Variants in LYZL4 observed in about 807,000 individuals in gnomAD.
LYZL4 encodes lysozyme-like protein 4.
In LYZL4, 13 loss-of-function variants were observed where a neutral mutation model predicts 17.6. That is an observed-to-expected ratio of 0.74 (90% CI 0.48 to 1.18). The LOEUF (loss-of-function observed/expected upper bound fraction) is 1.18. Ranked by LOEUF, LYZL4 falls within the 50% of genes most tolerant of loss-of-function variation. The pLI is 0.00. For missense variants in LYZL4, 174 were observed against 188.2 expected, an observed-to-expected ratio of 0.92 and a Z score of 0.44; for synonymous variants, 64 against 67.7, an observed-to-expected ratio of 0.95 and a Z score of 0.27.
Position 42,398,362 on chromosome 3 carries a change from T to C in LYZL4, c.372-1028A>G, listed in dbSNP as rs1323314807. Among the ~76,000 whole-genome samples, 10 of 152,188 alleles carry C rather than the reference T, an allele frequency of 6.6e-5. No individual in the cohort carries two copies. The East Asian group carries it at 1.7e-3, about 26-fold the overall frequency. The stretch of plus-strand genomic sequence containing the variant: ...TCTGCCTGGCTTAGCATAGCTCCAC[T>C]CAGTGCCATACACTAAATATGGTTT... On this transcript the variant is annotated intron_variant, in intron 4 of 4. Transcript: ENST00000287748.
chr3:42,397,741 T>C (rs1021749259), intron 4 of LYZL4, among the ~76,000 whole-genome samples: 16 of 152,144 alleles, frequency 1.1e-4, no homozygotes, highest in African/African-American at 3.4e-4. Context: ...GGCCTGCAAA[T>C]AGAACCTTTG....
At chr3:42,410,355 C>G (rs1698840558) in intron 1 of LYZL4, 62 bp downstream of exon 1, 1 of 152,342 alleles carries the variant, frequency 6.6e-6, no homozygotes, top group Admixed American at 6.5e-5. Context: ...TGCTGATGAG[C>G]TTCTCCTGCA....
the LYZL4 span, among the ~76,000 whole-genome samples, chr3:42,374,047 G>A: frequency 6.1e-3 from 924 of 152,202 alleles, 4 homozygotes; most frequent in South Asian, 9.5e-3. Context: ...CCAGTAGAGC[G>A]TTCCTCGAGG....
chr3:42,394,184 T>C (rs1051331459), downstream of LYZL4, among the ~76,000 whole-genome samples: 1 of 152,216 alleles, frequency 6.6e-6, no homozygotes, highest in Non-Finnish European at 1.5e-5. Context: ...TTGAGAAAAT[T>C]CACTCAATTT....
chr3:42,397,429 C>T (rs953221597), intron 4 of LYZL4, 95 bp from the exon 5 acceptor site: 4 of 797,840 alleles, frequency 5.0e-6, no homozygotes, highest in Admixed American at 2.5e-5. Flanking sequence ...CACCTGCCTG[C>T]CCCTTGGAGC....
In LYZL4 at chr3:42,404,034, T is replaced by G; in HGVS notation, c.371+12A>C. ...GTCGTTAATACAGGCTACATAAAAA[T>G]GTAAGACTTACCATGCTCCCATCCC... On this transcript the variant is annotated intron_variant, in intron 4 of 4. Transcript: ENST00000287748. The G allele has an allele frequency of 6.3e-7, 1 of 1,578,338 alleles. No individual in the cohort carries two copies. The highest frequency in any genetic ancestry group is 8.7e-7 in the Non-Finnish European group (1 of 1,148,274).
chr3:42,409,572 G>A (rs1027597210), intron 1 of LYZL4, among the ~76,000 whole-genome samples: 4 of 152,104 alleles, frequency 2.6e-5, no homozygotes, highest in African/African-American at 7.2e-5. Flanking sequence ...GTTCATCAGG[G>A]TGTGCCATCT....
intron 4 of LYZL4, among the ~76,000 whole-genome samples, chr3:42,401,299 C>T (rs1698648359): frequency 6.6e-6 from 1 of 152,136 alleles, no homozygotes; most frequent in African/African-American, 2.4e-5. Context: ...GAACCTCCAC[C>T]TCCCAGGTTC....
Position 42,404,141 on chromosome 3 carries a change from A to G in LYZL4, c.293-17T>C, listed in dbSNP as rs1295183188. ...TCAGTAAAGCTGTGGGGAAAAGAAAATGGAAGATACCATGCTGCCATATGA... is the reference window on the plus strand; with the variant it reads ...TCAGTAAAGCTGTGGGGAAAAGAAAGTGGAAGATACCATGCTGCCATATGA... On this transcript the variant is annotated splice_polypyrimidine_tract_variant and intron_variant, in intron 3 of 4. Transcript: ENST00000287748. 1.9e-6 allele frequency: 3 copies of G among 1,553,412 alleles called. No homozygotes were observed. The highest frequency in any genetic ancestry group is 2.7e-6 in the Non-Finnish European group (3 of 1,125,176).
chr3:42,385,121 T>C, the LYZL4 span, among the ~76,000 whole-genome samples: 1 of 151,876 alleles, frequency 6.6e-6, no homozygotes. Flanking sequence ...ATAATTACTT[T>C]AAAAAAATAA....
chr3:42,386,619 G>C, the LYZL4 span, among the ~76,000 whole-genome samples: 4 of 151,884 alleles, frequency 2.6e-5, no homozygotes, highest in African/African-American at 9.7e-5. Context: ...GATGAAGTTG[G>C]TTTTCAGAAG....
the LYZL4 span, among the ~76,000 whole-genome samples, chr3:42,371,160 C>T: frequency 3.3e-3 from 501 of 152,334 alleles, 3 homozygotes; most frequent in Non-Finnish European, 4.8e-3. Context: ...ATACTGGATG[C>T]ACTTGCCCTA....
At chr3:42,400,034 C>A (rs1698628298) in intron 4 of LYZL4, among the ~76,000 whole-genome samples, 2 of 150,484 alleles carry the variant, frequency 1.3e-5, no homozygotes, top group South Asian at 4.3e-4. Context: ...GAAAACAAAA[C>A]AAAACAAAAC....
At chr3:42,393,229 C>T (rs1173897881), downstream of LYZL4, among the ~76,000 whole-genome samples, 3 of 152,122 alleles carry the variant, frequency 2.0e-5, no homozygotes, top group Admixed American at 6.5e-5. Context: ...TAGGGACAAT[C>T]GTGGAAAGCA....
the LYZL4 span, among the ~76,000 whole-genome samples, chr3:42,370,102 C>T: frequency 1.9e-3 from 290 of 152,270 alleles, 6 homozygotes; most frequent in East Asian, 0.049. Flanking sequence ...CTGCATCCAT[C>T]ATCAGATGTA....
At chr3:42,392,043 AT>A in the LYZL4 span, among the ~76,000 whole-genome samples, 4 of 150,798 alleles carry the variant, frequency 2.7e-5, no homozygotes, top group East Asian at 1.9e-4. Context: ...AACTTTTTGT[AT>A]TTTTTTTTGT....
Position 42,407,202 on chromosome 3 carries a change from C to T in LYZL4, c.50G>A (p.Ser17Asn), listed in dbSNP as rs139928568. ...LSLLGYLVVP[S>N]GAYILGRCTV... ...GCAACGCCCCAAGATGTAAGCACCA[C>T]TTGGAACCACCAGGTAGCCAAGGAG... The change falls in exon 2 of 5, where the codon AGT becomes AAT. Residue 17 changes from serine to asparagine, a missense_variant. Transcript: ENST00000287748. 189 of 1,614,098 alleles carry T rather than the reference C, an allele frequency of 1.2e-4. No individual in the cohort carries two copies. The highest frequency in any genetic ancestry group is 1.6e-4 in the Non-Finnish European group (186 of 1,180,052).
At chr3:42,379,524 T>C in the LYZL4 span, among the ~76,000 whole-genome samples, 1 of 152,186 alleles carries the variant, frequency 6.6e-6, no homozygotes, top group African/African-American at 2.4e-5. Context: ...ACTACTACAT[T>C]AGCTCAAGCA....
At chr3:42,377,400 C>G in the LYZL4 span, among the ~76,000 whole-genome samples, 1 of 152,198 alleles carries the variant, frequency 6.6e-6, no homozygotes, top group South Asian at 2.1e-4. Context: ...ATCCCCCAAG[C>G]AGTTCTTTGG....
Sources: allele counts gnomAD v4.1 joint callset (sites outside exome capture counted in the v4.1 genomes callset), GRCh38; gene constraint gnomAD v4.1.1; transcripts MANE v1.5; gene names NCBI Gene and HGNC (gene_info 2026-07-23, HGNC 2026-07-21).